Variants in TTF2 observed in about 807,000 individuals in gnomAD.
TTF2 encodes the protein transcription termination factor 2, also known as RNA polymerase II termination factor.
A neutral mutation model predicts 142.4 loss-of-function variants in TTF2; 108 were observed. The observed-to-expected ratio is 0.76, with a 90% CI of 0.65 to 0.89. The LOEUF (loss-of-function observed/expected upper bound fraction) is 0.89. Ranked by LOEUF, TTF2 falls within the 40% of genes least tolerant of loss-of-function variation. The pLI is 0.00. For missense variants in TTF2, 1,327 were observed against 1,379.8 expected (o/e 0.96, Z 0.61); for synonymous variants, 483 against 506.2 (o/e 0.95, Z 0.61).
Position 117,070,894 on chromosome 1 carries a change from C to T in TTF2, c.219-2767C>T, listed in dbSNP as rs777435474. 2.0e-5 allele frequency among the ~76,000 whole-genome samples: 3 copies of T among 152,066 alleles called. No individual in the cohort carries two copies. The highest frequency in any genetic ancestry group is 4.4e-5 in the Non-Finnish European group (3 of 68,002). On this transcript the variant is annotated intron_variant, in intron 3 of 22. Transcript: ENST00000369466. This position sits in a 1 kb window ranked among gnomAD's most constrained non-coding sequence, Gnocchi z 4.2. ...TTTATGTGTCCTGGTGAAGTAGTGG[C>T]ATCAAGGGACCAGGACCTGCTCAGG...
intron 19 of TTF2, among the ~76,000 whole-genome samples, chr1:117,095,816 G>A (rs2101195701): frequency 6.6e-6 from 1 of 152,352 alleles, no homozygotes; most frequent in East Asian, 1.9e-4. Context: ...AAGAAGGGTG[G>A]TCAGTGTGTC....
In TTF2 at chr1:117,079,200, A is replaced by G. The variant is rs1428172268; in HGVS notation, c.1702-368A>G. Among the ~76,000 whole-genome samples the G allele has an allele frequency of 6.6e-6, 1 of 152,180 alleles. No individual in the cohort carries two copies. Reference sequence around the variant, plus strand: ...GGCTGCAGTGGGCTGAGATCACGCCACTGCACTCTAGCCTGGGCAACAGAG... The same window carrying G: ...GGCTGCAGTGGGCTGAGATCACGCCGCTGCACTCTAGCCTGGGCAACAGAG... On this transcript the variant is annotated intron_variant, in intron 8 of 22. Coordinates refer to ENST00000369466, the MANE Select transcript of TTF2 (RefSeq NM_003594.4). This position sits in a 1 kb window ranked among gnomAD's most constrained non-coding sequence, Gnocchi z 4.2.
chr1:117,086,248 TGTG>T lies in TTF2; in HGVS notation c.2055-168_2055-166del, dbSNP rs773350639. The stretch of plus-strand genomic sequence containing the variant: ...AAGTGGGTAAAATTTACCTCCAAAA[TGTG>T]TGTGTGTGTGTGTGTGTGTGCGTGT... On this transcript the variant is annotated intron_variant, in intron 11 of 22. Transcript: ENST00000369466. The surrounding 1 kb of genome is among the most constrained non-coding windows in gnomAD (Gnocchi z 4.2). Among the ~76,000 whole-genome samples the T allele has an allele frequency of 1.7e-5, 1 of 57,846 alleles. No individual in the cohort carries two copies. The highest frequency in any genetic ancestry group is 1.4e-4 in the Admixed American group (1 of 7,144). The allele number at this position is 57,846 out of a possible 152,430, so 37.9% of individuals were successfully genotyped here.
chr1:117,074,747 A>G, intron 4 of TTF2, 123 bp from the exon 5 acceptor site: 1 of 923,862 alleles, frequency 1.1e-6, no homozygotes, highest in Non-Finnish European at 1.6e-6. Context: ...CAATATACTC[A>G]TATAACAAAG....
chr1:117,076,865 T>C lies in TTF2; in HGVS notation c.1573+42T>C. 6.4e-7 allele frequency: 1 copy of C among 1,559,418 alleles called. No individual in the cohort carries two copies. The highest frequency in any genetic ancestry group is 8.7e-7 in the Non-Finnish European group (1 of 1,150,148). On this transcript the variant is annotated intron_variant, in intron 7 of 22. Transcript: ENST00000369466. The surrounding 1 kb of genome is among the most constrained non-coding windows in gnomAD (Gnocchi z 4.6). ...TGACCCTGCTGTGAATAGCCACCCC[T>C]GTGAGTTACGTGCCACCCGGTACAG...
Position 117,070,369 on chromosome 1 carries a change from T to C in TTF2, c.219-3292T>C, listed in dbSNP as rs1324688992. Among the ~76,000 whole-genome samples, 1 of 152,260 alleles carries C rather than the reference T, an allele frequency of 6.6e-6. No individual in the cohort carries two copies. Among genetic ancestry groups the C allele is most frequent in the East Asian group, 1.9e-4 (1 of 5,200 alleles). ...ATACCTAGGTTACAGAACTGTACAG[T>C]GTGTTACTTTACTGAATACTGCAGG... is the stretch of plus-strand genomic sequence containing the variant. On this transcript the variant is annotated intron_variant, in intron 3 of 22. Transcript: ENST00000369466. This position sits in a 1 kb window ranked among gnomAD's most constrained non-coding sequence, Gnocchi z 4.2.
At chr1:117,089,114 T>A in intron 13 of TTF2, 132 bp downstream of exon 13, 1 of 896,852 alleles carries the variant, frequency 1.1e-6, no homozygotes, top group Non-Finnish European at 1.6e-6. Context: ...TGTCAACCTT[T>A]AAAGGACAAA....
At chr1:117,088,702 A>AT (rs1424956711) in intron 12 of TTF2, 99 bp from the exon 13 acceptor site, 4 of 1,350,814 alleles carry the variant, frequency 3.0e-6, no homozygotes, top group South Asian at 2.9e-5. Flanking sequence ...TTAAAGGTAA[A>AT]TGTGGGTCCT....
intron 7 of TTF2, among the ~76,000 whole-genome samples, chr1:117,077,472 A>T (rs957741713): frequency 2.0e-5 from 3 of 152,196 alleles, no homozygotes; most frequent in Non-Finnish European, 4.4e-5. Flanking sequence ...AGACCTGCAG[A>T]TATGCTCTTA....
rs1279715407 is a variant in TTF2 at position 117,086,022 on chromosome 1, T to C, written c.2055-395T>C. On this transcript the variant is annotated intron_variant, in intron 11 of 22. Transcript: ENST00000369466. The surrounding 1 kb of genome is among the most constrained non-coding windows in gnomAD (Gnocchi z 4.2). ...TGGTGTCATCCATCTCAAATCATTA[T>C]TAAATGTTAATTCCCAACTCTATCC... 2.0e-5 allele frequency among the ~76,000 whole-genome samples: 3 copies of C among 152,218 alleles called. No homozygotes were observed. Among genetic ancestry groups the C allele is most frequent in the African/African-American group, 7.2e-5 (3 of 41,454 alleles).
rs1648775110 is a variant in TTF2, at chr1:117,093,356, T to C, written c.2976+455T>C. Reference sequence around the variant, plus strand: ...TTTCCTACATAGCCTTCTGTCTTCATTAGTCATTCTGCTCTGTTTTCGTCA... The same window carrying C: ...TTTCCTACATAGCCTTCTGTCTTCACTAGTCATTCTGCTCTGTTTTCGTCA... On this transcript the variant is annotated intron_variant, in intron 18 of 22. Transcript: ENST00000369466. This position sits in a 1 kb window ranked among gnomAD's most constrained non-coding sequence, Gnocchi z 4.5. 6.6e-6 allele frequency among the ~76,000 whole-genome samples: 1 copy of C among 152,230 alleles called. No individual in the cohort carries two copies. The highest frequency in any genetic ancestry group is 6.5e-5 in the Admixed American group (1 of 15,290).
chr1:117,090,815 T>C lies in TTF2; in HGVS notation c.2588+192T>C, dbSNP rs776961686. On this transcript the variant is annotated intron_variant, in intron 15 of 22. Coordinates refer to ENST00000369466, the MANE Select transcript of TTF2 (RefSeq NM_003594.4). This position sits in a 1 kb window ranked among gnomAD's most constrained non-coding sequence, Gnocchi z 4.8. ...AGCTTACCTCTGTCTCATACACACA[T>C]GGAAGGCAAAATTTTGAACCTACTC... is the stretch of plus-strand genomic sequence containing the variant. 7.9e-5 allele frequency among the ~76,000 whole-genome samples: 12 copies of C among 152,034 alleles called. No individual in the cohort carries two copies. The highest frequency in any genetic ancestry group is 4.4e-5 in the Non-Finnish European group (3 of 68,012).
rs1433502724 is a variant in TTF2 at position 117,084,051 on chromosome 1, T to C, written c.1937T>C (p.Ile646Thr). Residue 646 changes from isoleucine to threonine, a missense_variant, in exon 11 of 23, where the codon ATC becomes ACC. Coordinates refer to ENST00000369466, the MANE Select transcript of TTF2 (RefSeq NM_003594.4). ...GACTTTACTTCCCATGGAACACTAA[T>C]CATCTGTCCTGCCTCCCTGATCCAT... ...SCDFTSHGTL[I>T]ICPASLIHHW... 5 of 1,614,240 alleles carry C rather than the reference T, an allele frequency of 3.1e-6. No homozygotes were observed. The highest frequency in any genetic ancestry group is 4.2e-6 in the Non-Finnish European group (5 of 1,180,052).
Position 117,080,183 on chromosome 1 carries a change from G to A in TTF2, c.1783+534G>A, listed in dbSNP as rs1647373036. ...TGCCACCACGCCTGGCTAATTTTTTGTATTTTTAGTAGAGATGGGGTTTCG... is the reference window on the plus strand; with the variant it reads ...TGCCACCACGCCTGGCTAATTTTTTATATTTTTAGTAGAGATGGGGTTTCG... On this transcript the variant is annotated intron_variant, in intron 9 of 22. Coordinates refer to ENST00000369466, the MANE Select transcript of TTF2 (RefSeq NM_003594.4). The surrounding 1 kb of genome is among the most constrained non-coding windows in gnomAD (Gnocchi z 4.3). Among the ~76,000 whole-genome samples the A allele has an allele frequency of 1.3e-5, 2 of 152,142 alleles. No homozygotes were observed. Among genetic ancestry groups the A allele is most frequent in the African/African-American group, 2.4e-5 (1 of 41,518 alleles).
At position 117,073,860 on chromosome 1, in the gene TTF2, A is replaced by T; in HGVS notation, c.285+133A>T. 1 of 741,336 alleles carries T rather than the reference A, an allele frequency of 1.3e-6. No individual in the cohort carries two copies. The highest frequency in any genetic ancestry group is 2.9e-5 in the Admixed American group (1 of 34,438). The allele number at this position is 741,336 out of a possible 1,614,324, so 45.9% of individuals were successfully genotyped here. A position where few individuals can be genotyped will look rare whatever the true frequency, so the allele number is the denominator to read the frequency against. On this transcript the variant is annotated intron_variant, in intron 4 of 22. Transcript: ENST00000369466. The surrounding 1 kb of genome is among the most constrained non-coding windows in gnomAD (Gnocchi z 4.4). ...CTGTCTCCGAAAGATAGTTTTCTTT[A>T]AGCAAGGTAGGCCCTGTTGGGACTT...
chr1:117,082,274 A>G (rs1489554666), intron 10 of TTF2, among the ~76,000 whole-genome samples: 2 of 152,282 alleles, frequency 1.3e-5, no homozygotes, highest in Admixed American at 6.5e-5. Context: ...AGTGCAGTGC[A>G]TGAACACAGC....
At chr1:117,096,042 G>C (rs1649111509) in intron 19 of TTF2, 107 bp from the exon 20 acceptor site, 1 of 1,330,044 alleles carries the variant, frequency 7.5e-7, no homozygotes, top group African/African-American at 1.5e-5. Flanking sequence ...GCCTTTCCTT[G>C]TCAACATTTG....
At chr1:117,094,189 A>G (rs1351112326) in intron 18 of TTF2, among the ~76,000 whole-genome samples, 1 of 152,212 alleles carries the variant, frequency 6.6e-6, no homozygotes, top group East Asian at 1.9e-4. Flanking sequence ...CTGTAATGAC[A>G]TCCTAGAATG....
chr1:117,074,813 T>C (rs1160996192), intron 4 of TTF2, 57 bp from the exon 5 acceptor site: 9 of 1,438,470 alleles, frequency 6.3e-6, no homozygotes, highest in South Asian at 1.5e-5. Flanking sequence ...GGAAAGGCAT[T>C]CTAGATACGA....
Sources: gnomAD v4.1 joint callset for allele counts (sites outside exome capture counted in the v4.1 genomes callset) on GRCh38, gnomAD v4.1.1 for gene constraint, Gnocchi (gnomAD v3.1) non-coding constraint, MANE v1.5 for transcripts, NCBI Gene and HGNC (gene_info 2026-07-23, HGNC 2026-07-21) for gene names.